STRA6: variants seen among roughly 807,000 people sequenced by gnomAD.
STRA6 encodes the protein signaling receptor and transporter of retinol STRA6, also known as receptor for retinol uptake STRA6.
STRA6 carries 48 observed loss-of-function variants against 83.6 expected under a neutral mutation model. The ratio of observed to expected loss-of-function variants is 0.57; its 90% CI spans 0.46 to 0.73. The LOEUF is 0.73. STRA6 is among the 30% of genes least tolerant of loss of function. The pLI is 0.00. For synonymous variants in STRA6, 353 were observed against 362.3 expected (o/e 0.97, Z 0.29); for missense variants, 760 against 838.8 (o/e 0.91, Z 1.16).
intron 11 of STRA6, among the ~76,000 whole-genome samples, chr15:74,189,837 T>C (rs2073446106): frequency 6.6e-6 from 1 of 152,052 alleles, no homozygotes; most frequent in Non-Finnish European, 1.5e-5. Context: ...CTAATTTTTA[T>C]ATTTTTAGTA....
In STRA6 at chr15:74,183,924, T is replaced by G; in HGVS notation, c.1232A>C (p.His411Pro). The G allele has an allele frequency of 3.7e-6, 6 of 1,613,836 alleles. No individual in the cohort carries two copies. The highest frequency in any genetic ancestry group is 4.2e-6 in the Non-Finnish European group (5 of 1,180,002). Reference protein sequence around the residue: ...LDLSPLHRSPHPSRQAIFCWM... With the variant: ...LDLSPLHRSPPPSRQAIFCWM... ...ACAGAATATGGCTTGGCGGGAGGGATGGGGACTCCGATGCAAGGGACTCAA... is the reference window on the plus strand; with the variant it reads ...ACAGAATATGGCTTGGCGGGAGGGAGGGGGACTCCGATGCAAGGGACTCAA... The change falls in exon 14 of 19, where the codon CAT becomes CCT. Residue 411 changes from histidine to proline, a missense_variant. Transcript: ENST00000395105.
At chr15:74,207,480 A>G (rs1218615037), upstream of STRA6, among the ~76,000 whole-genome samples, 3 of 152,154 alleles carry the variant, frequency 2.0e-5, no homozygotes, top group Non-Finnish European at 4.4e-5. Flanking sequence ...TCAACCACAG[A>G]TTGGAACAAG....
intron 12 of STRA6, 101 bp from the exon 13 acceptor site, chr15:74,185,156 C>G (rs2073182060): frequency 8.9e-7 from 1 of 1,126,996 alleles, no homozygotes; most frequent in Non-Finnish European, 1.3e-6. Flanking sequence ...GGAGTTCCCC[C>G]TGCCCCAAAC....
upstream of STRA6, chr15:74,203,293 C>A: frequency 1.2e-6 from 1 of 833,144 alleles, no homozygotes; most frequent in Non-Finnish European, 1.4e-6. Flanking sequence ...CAAACCAGAC[C>A]CACGGGTAGG....
chr15:74,210,723 C>T (rs1473189883), upstream of STRA6, among the ~76,000 whole-genome samples: 2 of 152,166 alleles, frequency 1.3e-5, no homozygotes, highest in East Asian at 3.8e-4. Context: ...CGTCCCCAGC[C>T]CAATATTGCA....
chr15:74,197,999 C>T, intron 2 of STRA6, 181 bp from the exon 3 acceptor site: 1 of 677,826 alleles, frequency 1.5e-6, no homozygotes, highest in Non-Finnish European at 2.6e-6. Context: ...GCCCTCGTGT[C>T]CCTGTGATGT....
chr15:74,184,441 G>A (rs1035997228), intron 13 of STRA6, among the ~76,000 whole-genome samples: 3 of 152,260 alleles, frequency 2.0e-5, no homozygotes, highest in African/African-American at 2.4e-5. Flanking sequence ...GTAAGTGCTC[G>A]GGCTGCCCCT....
At chr15:74,206,980 T>C (rs1420394223), upstream of STRA6, among the ~76,000 whole-genome samples, 1 of 152,186 alleles carries the variant, frequency 6.6e-6, no homozygotes, top group Non-Finnish European at 1.5e-5. Context: ...CTAAAAAGCT[T>C]CTGGACTCTG....
In STRA6 at chr15:74,182,375, G is replaced by A. The variant is rs1212605098; in HGVS notation, c.1386C>T (p.Asn462=). The change falls in exon 15 of 19, where the codon AAC becomes AAT. Residue 462 remains asparagine, a synonymous_variant. Transcript: ENST00000395105. ...LVLMPVLHGR[N]LLLFRSLESS... is the part of the protein sequence containing the mutation. ...ACTCCAGGGAACGGAAGAGCAGGAG[G>A]TTCCTGCCATGGAGCACAGGCATGA... 1 of 1,614,006 alleles carries A rather than the reference G, an allele frequency of 6.2e-7. No individual in the cohort carries two copies. Among genetic ancestry groups the A allele is most frequent in the South Asian group, 1.1e-5 (1 of 91,060 alleles).
exon 1 of STRA6, chr15:74,209,010 G>A: frequency 9.4e-7 from 1 of 1,068,986 alleles, no homozygotes; most frequent in East Asian, 8.6e-5. Flanking sequence ...CCCAGCACCT[G>A]CTTTAAAAGG....
chr15:74,208,074 G>A, intron 1 of STRA6: 2 of 1,239,728 alleles, frequency 1.6e-6, no homozygotes, highest in Non-Finnish European at 2.0e-6. Flanking sequence ...AGACCAGGCT[G>A]TTCTGGTATG....
intron 13 of STRA6, among the ~76,000 whole-genome samples, chr15:74,184,419 T>G (rs1015614861): frequency 6.6e-6 from 1 of 152,138 alleles, no homozygotes; most frequent in Non-Finnish European, 1.5e-5. Context: ...ATGGGCCAGT[T>G]CTCTGACATG....
At position 74,191,164 on chromosome 15, in the gene STRA6, T is replaced by C. The variant is rs752275874; in HGVS notation, c.865+3A>G. The C allele has an allele frequency of 2.5e-6, 4 of 1,613,984 alleles. No individual in the cohort carries two copies. Among genetic ancestry groups the C allele is most frequent in the Admixed American group, 3.3e-5 (2 of 59,996 alleles). Reference sequence around the variant, plus strand: ...CGCTCGGCCTCAGCTCCCAACCCCATACCTGGCTGTGGAGTGTAGATGCAG... The same window carrying C: ...CGCTCGGCCTCAGCTCCCAACCCCACACCTGGCTGTGGAGTGTAGATGCAG... On this transcript the variant is annotated splice_donor_region_variant and intron_variant, in intron 10 of 18. Transcript: ENST00000395105.
chr15:74,180,970 G>T, intron 17 of STRA6, 33 bp from the exon 18 acceptor site: 1 of 1,612,062 alleles, frequency 6.2e-7, no homozygotes, highest in South Asian at 1.1e-5. Context: ...AATGCTGGGG[G>T]AGCAGGGGCC....
At chr15:74,203,393 G>T (rs2074172151), upstream of STRA6, among the ~76,000 whole-genome samples, 1 of 152,166 alleles carries the variant, frequency 6.6e-6, no homozygotes, top group Admixed American at 6.5e-5. Context: ...GGGCTCCTCC[G>T]CATTCTCCCT....
At position 74,185,039 on chromosome 15, in the gene STRA6, G is replaced by A. The variant is rs2073174798; in HGVS notation, c.1107C>T (p.Ala369=). Residue 369 remains alanine, a synonymous_variant, in exon 13 of 19, where the codon GCC becomes GCT. Transcript: ENST00000395105. The part of the protein sequence containing the change: ...LWALEVCYIS[A]LVLSCLLTFL... ...AGGTGAGTAAGCAGGACAAGACCAAGGCTGAGATGTAGCACACTGGTGGGC... is the reference window on the plus strand; with the variant it reads ...AGGTGAGTAAGCAGGACAAGACCAAAGCTGAGATGTAGCACACTGGTGGGC... 2 of 1,614,048 alleles carry A rather than the reference G, an allele frequency of 1.2e-6. No homozygotes were observed.
upstream of STRA6, chr15:74,203,223 C>G (rs557987979): frequency 1.4e-4 from 134 of 985,148 alleles, 1 homozygote; most frequent in African/African-American, 2.3e-3. Context: ...TTTGTTCCTA[C>G]AAGTTGATTT....
At chr15:74,196,959 T>C (rs750064870) in intron 4 of STRA6, among the ~76,000 whole-genome samples, 9 of 152,176 alleles carry the variant, frequency 5.9e-5, no homozygotes, top group Non-Finnish European at 1.0e-4. Flanking sequence ...TAAATCTGCC[T>C]TCAAGCATTA....
At chr15:74,209,052 C>G, upstream of STRA6, 1 of 1,192,792 alleles carries the variant, frequency 8.4e-7, no homozygotes, top group Non-Finnish European at 1.0e-6. Flanking sequence ...AAGGCAGCTC[C>G]CCCCTTCTCC....
Sources: gnomAD v4.1 joint callset for allele counts (sites outside exome capture counted in the v4.1 genomes callset) on GRCh38, gnomAD v4.1.1 for gene constraint, MANE v1.5 for transcripts, NCBI Gene and HGNC (gene_info 2026-07-23, HGNC 2026-07-21) for gene names.